PATJ: variants seen among roughly 807,000 people sequenced by gnomAD.
The protein encoded by PATJ is PATJ crumbs cell polarity complex component.
PATJ carries 190 observed loss-of-function variants against 224.9 expected under a neutral mutation model. That is an observed-to-expected ratio of 0.84 (90% CI 0.75 to 0.95). The LOEUF (loss-of-function observed/expected upper bound fraction) is 0.95. PATJ is among the 40% of genes least tolerant of loss of function. PATJ has a pLI of 0.00. For missense variants in PATJ, 2,121 were observed against 2,270.3 expected, an observed-to-expected ratio of 0.93 and a Z score of 1.34; for synonymous variants, 769 against 820.3, an observed-to-expected ratio of 0.94 and a Z score of 1.07.
intron 1 of PATJ, among the ~76,000 whole-genome samples, chr1:61,752,109 G>A (rs1009970647): frequency 7.1e-6 from 1 of 139,976 alleles, no homozygotes; most frequent in African/African-American, 2.7e-5. Context: ...TTGTACTCCA[G>A]CCTGCGCAAC....
chr1:61,866,331 G>A (rs1326313184), intron 20 of PATJ, among the ~76,000 whole-genome samples: 1 of 152,136 alleles, frequency 6.6e-6, no homozygotes, highest in African/African-American at 2.4e-5. Context: ...ATGGTCAAAT[G>A]TATACTTACG....
intron 22 of PATJ, 98 bp from the exon 23 acceptor site, chr1:61,899,485 A>T: frequency 1.5e-6 from 1 of 661,476 alleles, no homozygotes; most frequent in Non-Finnish European, 2.4e-6. Context: ...AGAATCATTT[A>T]ACTACCTATA....
chr1:61,808,543 T>C lies in PATJ; in HGVS notation c.1683+13T>C. 6.4e-7 allele frequency: 1 copy of C among 1,560,116 alleles called. No homozygotes were observed. Among genetic ancestry groups the C allele is most frequent in the Non-Finnish European group, 8.8e-7 (1 of 1,132,002 alleles). On this transcript the variant is annotated intron_variant, in intron 14 of 43. Coordinates refer to ENST00000642238, the MANE Select transcript of PATJ (RefSeq NM_001350145.3). ...GAAATATTCAAAGGTAAGCATTTTT[T>C]ATAACAAAGTTAACAGTTTTATTTT...
chr1:61,893,237 A>G (rs1669852125), intron 22 of PATJ, among the ~76,000 whole-genome samples: 1 of 152,176 alleles, frequency 6.6e-6, no homozygotes, highest in Non-Finnish European at 1.5e-5. Context: ...AAATGTGTGT[A>G]TACTAAAACC....
At chr1:61,823,639 C>T (rs1424460922) in intron 15 of PATJ, among the ~76,000 whole-genome samples, 1 of 152,152 alleles carries the variant, frequency 6.6e-6, no homozygotes, top group East Asian at 1.9e-4. Context: ...GAGGGTTCTC[C>T]CAAGTGTTAG....
At chr1:62,100,370 T>C (rs1661997374) in intron 33 of PATJ, 2 of 718,378 alleles carry the variant, frequency 2.8e-6, no homozygotes, top group Non-Finnish European at 5.2e-6. Context: ...GGTGAGGGCC[T>C]TCATGCTGCA....
intron 22 of PATJ, among the ~76,000 whole-genome samples, chr1:61,885,365 A>G (rs919863147): frequency 1.3e-5 from 2 of 152,232 alleles, no homozygotes; most frequent in African/African-American, 4.8e-5. Context: ...AAAAGTGGGC[A>G]AAGGATATGA....
chr1:62,106,963 A>G (rs879821985), intron 33 of PATJ, among the ~76,000 whole-genome samples: 1 of 152,010 alleles, frequency 6.6e-6, no homozygotes, highest in Non-Finnish European at 1.5e-5. Context: ...CAGGACTCAA[A>G]TCCCCACTGT....
intron 20 of PATJ, among the ~76,000 whole-genome samples, chr1:61,867,070 T>G (rs1665544139): frequency 6.6e-6 from 1 of 152,190 alleles, no homozygotes; most frequent in African/African-American, 2.4e-5. Flanking sequence ...TGCAACCATT[T>G]TATCAGCAAG....
intron 28 of PATJ, among the ~76,000 whole-genome samples, chr1:62,004,738 T>C (rs1211234730): frequency 6.6e-6 from 1 of 152,232 alleles, no homozygotes; most frequent in African/African-American, 2.4e-5. Flanking sequence ...TGTAAACATT[T>C]ATTAAATGGT....
intron 29 of PATJ, among the ~76,000 whole-genome samples, chr1:62,026,949 G>T (rs1648074488): frequency 6.6e-6 from 1 of 152,112 alleles, no homozygotes; most frequent in Admixed American, 6.6e-5. Context: ...TAGCCAAAAG[G>T]TGGGAGCAAC....
intron 33 of PATJ, among the ~76,000 whole-genome samples, chr1:62,102,859 CAAAAAAAAAAAAAAA>C (rs1162014751): frequency 4.3e-5 from 2 of 47,008 alleles, no homozygotes; most frequent in African/African-American, 1.4e-4. Context: ...TACCCTGTCT[CAAAAAAAAAAAAAAA>C]AAAAAAAAAA....
chr1:61,896,725 T>A (rs1670420178), intron 22 of PATJ, among the ~76,000 whole-genome samples: 1 of 152,174 alleles, frequency 6.6e-6, no homozygotes, highest in Non-Finnish European at 1.5e-5. Context: ...GGTGATTGGA[T>A]CATGGGGGAA....
At chr1:62,136,015 A>ATTTTTTTTTTTTTTT (rs374594803) in intron 41 of PATJ, among the ~76,000 whole-genome samples, 1 of 63,880 alleles carries the variant, frequency 1.6e-5, no homozygotes, top group Non-Finnish European at 2.7e-5. Flanking sequence ...AGACCATTAG[A>ATTTTTTTTTTTTTTT]TTTTTTTTTT....
intron 8 of PATJ, among the ~76,000 whole-genome samples, chr1:61,790,515 G>GTTTTTTT (rs377372844): frequency 7.8e-6 from 1 of 129,024 alleles, no homozygotes; most frequent in Non-Finnish European, 1.6e-5. Context: ...TCTTTTTTTT[G>GTTTTTTT]TTTTTTTTTT....
At chr1:61,784,732 AT>A (rs1164859664) in intron 7 of PATJ, among the ~76,000 whole-genome samples, 1 of 152,144 alleles carries the variant, frequency 6.6e-6, no homozygotes, top group Non-Finnish European at 1.5e-5. Context: ...CTTTACCCTT[AT>A]TTTTCATCAG....
chr1:61,939,921 G>A (rs187008131), intron 27 of PATJ, among the ~76,000 whole-genome samples: 64 of 151,784 alleles, frequency 4.2e-4, no homozygotes, highest in Middle Eastern at 6.9e-3. Flanking sequence ...TGATCCGCCC[G>A]CCTCGGCCTT....
intron 40 of PATJ, 53 bp downstream of exon 40, chr1:62,128,147 G>T (rs929744472): frequency 6.2e-7 from 1 of 1,609,594 alleles, no homozygotes; most frequent in African/African-American, 1.3e-5. Flanking sequence ...GGTGGGAGAG[G>T]AAGTTGCAGC....
At chr1:62,094,558 AACACACACACACACACACAC>A (rs58104906) in intron 33 of PATJ, among the ~76,000 whole-genome samples, 18,917 of 132,512 alleles carry the variant, frequency 0.14, 1,431 homozygotes, top group Middle Eastern at 0.23. Context: ...ATTCTGTCTC[AACACACACACACACACACAC>A]ACACACACAC....
Sources: gnomAD v4.1 joint callset for allele counts (sites outside exome capture counted in the v4.1 genomes callset) on GRCh38, gnomAD v4.1.1 for gene constraint, MANE v1.5 for transcripts, NCBI Gene and HGNC (gene_info 2026-07-23, HGNC 2026-07-21) for gene names.